The following HGS variants were observed in gnomAD, a reference collection of about 807,000 sequenced individuals.
HGS encodes the protein human growth factor-regulated tyrosine kinase substrate.
HGS carries 63 observed loss-of-function variants against 109.7 expected under a neutral mutation model. That is an observed-to-expected ratio of 0.57 (90% confidence interval 0.47 to 0.71). The LOEUF is 0.71. Ranked by LOEUF, HGS falls within the 30% of genes least tolerant of loss-of-function variation. The pLI is 0.00. For missense variants in HGS, 995 were observed against 1,068.3 expected, an observed-to-expected ratio of 0.93 and a Z score of 0.96; for synonymous variants, 546 against 437.3, an observed-to-expected ratio of 1.25 and a Z score of -3.10.
chr17:81,696,071 C>T, intron 15 of HGS, 72 bp downstream of exon 15: 1 of 1,339,984 alleles, frequency 7.5e-7, no homozygotes, highest in South Asian at 1.4e-5. Flanking sequence ...GGGCCAGGGC[C>T]TCCCCTGAGG....
chr17:81,699,100 G>A (rs1434253618), intron 18 of HGS, among the ~76,000 whole-genome samples: 2 of 151,714 alleles, frequency 1.3e-5, no homozygotes, highest in Admixed American at 1.3e-4. Flanking sequence ...GTTAATTCCA[G>A]TACTTGCAAT....
At chr17:81,690,268 C>G in intron 6 of HGS, 34 bp downstream of exon 6, 1 of 1,609,872 alleles carries the variant, frequency 6.2e-7, no homozygotes, top group Admixed American at 1.7e-5. Context: ...GTTCTGGAGT[C>G]GGGCTGCTCA....
intron 11 of HGS, 123 bp downstream of exon 11, chr17:81,694,088 G>C (rs2037108117): frequency 6.4e-6 from 5 of 784,896 alleles, no homozygotes; most frequent in Non-Finnish European, 9.9e-6. Flanking sequence ...TTCCCAGAGA[G>C]GACAGCCCCA....
At chr17:81,686,258 C>A in intron 2 of HGS, 54 bp from the exon 3 acceptor site, 1 of 1,457,564 alleles carries the variant, frequency 6.9e-7, no homozygotes, top group Non-Finnish European at 9.6e-7. Flanking sequence ...ATCTTAGTTG[C>A]TGAGACTATT....
chr17:81,695,501 G>A (rs183691370), intron 14 of HGS, among the ~76,000 whole-genome samples: 172 of 152,362 alleles, frequency 1.1e-3, no homozygotes, highest in Admixed American at 3.1e-3. Flanking sequence ...AGTCCTTGGC[G>A]TTGCCTGGGG....
chr17:81,700,441 C>T (rs377713369), intron 18 of HGS, 26 bp from the exon 19 acceptor site: 5 of 1,522,380 alleles, frequency 3.3e-6, no homozygotes, highest in Admixed American at 2.2e-5. Context: ...CTGGCTGAAC[C>T]ATCTCCCCTG....
At chr17:81,695,283 A>G (rs2037128019) in intron 14 of HGS, 60 bp downstream of exon 14, 1 of 1,558,362 alleles carries the variant, frequency 6.4e-7, no homozygotes, top group Non-Finnish European at 8.8e-7. Context: ...CCACAGCGCC[A>G]GGCACATGGC....
intron 18 of HGS, chr17:81,697,733 C>T (rs2037176633): frequency 6.6e-6 from 1 of 152,216 alleles, no homozygotes; most frequent in African/African-American, 2.4e-5. Flanking sequence ...CCTTCTAATT[C>T]TGCTGTTGTC....
At chr17:81,697,417 G>T in intron 18 of HGS, 2 of 134,824 alleles carry the variant, frequency 1.5e-5, no homozygotes, top group Non-Finnish European at 2.9e-5. Flanking sequence ...GACATCTACT[G>T]TCCCAAGAGC....
intron 1 of HGS, chr17:81,684,430 G>A (rs1317199516): frequency 3.5e-6 from 1 of 284,214 alleles, no homozygotes; most frequent in Non-Finnish European, 6.5e-6. Flanking sequence ...TGGGCCACAA[G>A]GCCTGAGTCA....
At chr17:81,697,104 C>G in intron 18 of HGS, 106 bp downstream of exon 18, 2 of 1,226,376 alleles carry the variant, frequency 1.6e-6, no homozygotes, top group Non-Finnish European at 2.2e-6. Context: ...TCCCAGTTGC[C>G]CCGATGTGAA....
At position 81,696,820 on chromosome 17, in the gene HGS, C is replaced by G; in HGVS notation, c.1708-4C>G. ...ACTCTCACCGCTGTCTCTTTTGTCCCCAGCTCCAGGCCATGCCCGCAGCCG... is the reference window on the plus strand; with the variant it reads ...ACTCTCACCGCTGTCTCTTTTGTCCGCAGCTCCAGGCCATGCCCGCAGCCG... On this transcript the variant is annotated splice_region_variant and splice_polypyrimidine_tract_variant and intron_variant, in intron 17 of 21. Transcript: ENST00000329138. 2 of 1,606,712 alleles carry G rather than the reference C, an allele frequency of 1.2e-6. No individual in the cohort carries two copies. The highest frequency in any genetic ancestry group is 2.7e-5 in the African/African-American group (2 of 74,892).
chr17:81,686,472 C>T (rs1313972538), intron 3 of HGS, 85 bp downstream of exon 3: 2 of 939,368 alleles, frequency 2.1e-6, no homozygotes, highest in Middle Eastern at 2.1e-4. Flanking sequence ...TGTCCTGTGG[C>T]CTTGCCCACC....
intron 3 of HGS, 124 bp from the exon 4 acceptor site, chr17:81,686,879 C>G (rs2036987605): frequency 4.1e-6 from 3 of 734,540 alleles, no homozygotes; most frequent in Admixed American, 4.9e-5. Context: ...ACCGGGTTCC[C>G]CACCGGCCAC....
At chr17:81,686,288 C>T (rs371281100) in intron 2 of HGS, 24 bp from the exon 3 acceptor site, 72 of 1,600,024 alleles carry the variant, frequency 4.5e-5, no homozygotes, top group Admixed American at 1.7e-5. Flanking sequence ...TTTTTCTCTG[C>T]TTTTATCAAT....
chr17:81,692,573 G>T (rs2037081001), intron 8 of HGS: 1 of 152,308 alleles, frequency 6.6e-6, no homozygotes, highest in African/African-American at 2.4e-5. Context: ...CTGTGAGCCA[G>T]CGGCTCCATG....
At chr17:81,701,357 G>C (rs779787690) in intron 21 of HGS, 151 bp from the exon 22 acceptor site, 80 of 935,548 alleles carry the variant, frequency 8.6e-5, no homozygotes, top group Admixed American at 1.8e-4. Context: ...TTACTTGAAA[G>C]GCAAAGGCCG....
chr17:81,698,977 G>C (rs569216215), intron 18 of HGS, among the ~76,000 whole-genome samples: 41 of 151,598 alleles, frequency 2.7e-4, no homozygotes, highest in Non-Finnish European at 4.7e-4. Flanking sequence ...TGAGGCAAGA[G>C]AATCACTGGA....
rs2144500010 is a variant in HGS, at chr17:81,695,797, C to T, written c.1191C>T (p.His397=). Residue 397 remains histidine, a synonymous_variant, in exon 15 of 22, where the codon CAC becomes CAT. Coordinates refer to ENST00000329138, the MANE Select transcript of HGS (RefSeq NM_004712.5). ...SGGPFSEPQF[H]NGESEESHEQ... ...TGCTCTGCCTGCAGCCACAGTTCCA[C>T]AATGGCGAGTCTGAGGAGAGCCACG... The T allele has an allele frequency of 6.2e-7, 1 of 1,613,476 alleles. No homozygotes were observed. The highest frequency in any genetic ancestry group is 8.5e-7 in the Non-Finnish European group (1 of 1,180,016).
Sources: allele counts gnomAD v4.1 joint callset (sites outside exome capture counted in the v4.1 genomes callset), GRCh38; gene constraint gnomAD v4.1.1; transcripts MANE v1.5; gene names NCBI Gene and HGNC (gene_info 2026-07-23, HGNC 2026-07-21).